ATP2B1: variants seen among roughly 807,000 people sequenced by gnomAD.
The protein encoded by ATP2B1 is ATPase plasma membrane Ca2+ transporting 1, also known as plasma membrane calcium-transporting ATPase 1.
In ATP2B1, 14 loss-of-function variants were observed where a neutral mutation model predicts 124.2. The observed-to-expected ratio is 0.11, with a 90% CI of 0.07 to 0.18. ATP2B1 has a LOEUF of 0.18. Ranked by LOEUF, ATP2B1 falls within the 10% of genes least tolerant of loss-of-function variation. The probability of loss-of-function intolerance (pLI) is 1.00; values close to 1 mark genes in which losing one functional copy is unlikely to be tolerated. For synonymous variants in ATP2B1, 449 were observed against 492.4 expected, an observed-to-expected ratio of 0.91 and a Z score of 1.17; for missense variants, 763 against 1,466.1, an observed-to-expected ratio of 0.52 and a Z score of 7.83.
At position 89,634,791 on chromosome 12, in the gene ATP2B1, G is replaced by A. The variant is rs777087454; in HGVS notation, c.774C>T (p.Pro258=). The A allele has an allele frequency of 6.3e-7, 1 of 1,595,572 alleles. No individual in the cohort carries two copies. The highest frequency in any genetic ancestry group is 1.4e-5 in the African/African-American group (1 of 73,708). ...TGAAATTTTTACCTGATAGAAGTAAGGGATCCTTATCTAAAGACTTTTTAA... is the reference window on the plus strand; with the variant it reads ...TGAAATTTTTACCTGATAGAAGTAAAGGATCCTTATCTAAAGACTTTTTAA... ...DHVKKSLDKD[P]LLLSGTHVME... The change falls in exon 5 of 21, where the codon CCC becomes CCT. Residue 258 remains proline (P), a synonymous_variant. Coordinates refer to ENST00000428670, the MANE Select transcript of ATP2B1 (RefSeq NM_001366521.1).
Position 89,590,962 on chromosome 12 carries a change from T to A in ATP2B1, c.*22A>T, listed in dbSNP as rs191454131. ...ATTTGTTTCTTTACAATGCAGCTAGTGTGTTAACATTCAGCTTACAATCAG... is the reference window on the plus strand; with the variant it reads ...ATTTGTTTCTTTACAATGCAGCTAGAGTGTTAACATTCAGCTTACAATCAG... On this transcript the variant is annotated 3_prime_UTR_variant, in exon 21 of 21. Coordinates refer to ENST00000428670, the MANE Select transcript of ATP2B1 (RefSeq NM_001366521.1). 451 of 1,596,390 alleles carry A rather than the reference T, an allele frequency of 2.8e-4. 4 individuals carry two copies. The highest frequency in any genetic ancestry group is 1.7e-5 in the Non-Finnish European group (20 of 1,167,124).
At chr12:89,665,314 G>A (rs1887176767) in intron 1 of ATP2B1, among the ~76,000 whole-genome samples, 1 of 151,912 alleles carries the variant, frequency 6.6e-6, no homozygotes, top group Non-Finnish European at 1.5e-5. Context: ...CAAAAAATGT[G>A]GAGACTCATA....
chr12:89,595,500 T>G (rs1874407202), intron 20 of ATP2B1, among the ~76,000 whole-genome samples: 1 of 152,066 alleles, frequency 6.6e-6, no homozygotes, highest in Non-Finnish European at 1.5e-5. Flanking sequence ...TCTTCAGAGA[T>G]GTTTGAGTCT....
At chr12:89,670,394 C>A (rs1199205476) in intron 1 of ATP2B1, among the ~76,000 whole-genome samples, 1 of 144,684 alleles carries the variant, frequency 6.9e-6, no homozygotes, top group Non-Finnish European at 1.5e-5. Context: ...TCAATTGTTA[C>A]GCATTCTGAC....
At chr12:89,613,208 T>C (rs1878359456) in intron 12 of ATP2B1, among the ~76,000 whole-genome samples, 1 of 152,146 alleles carries the variant, frequency 6.6e-6, no homozygotes, top group African/African-American at 2.4e-5. Context: ...CTTGAACTCC[T>C]GAGCTCAGGC....
chr12:89,597,178 A>G (rs1047069075), intron 20 of ATP2B1, among the ~76,000 whole-genome samples: 1 of 152,138 alleles, frequency 6.6e-6, no homozygotes, highest in African/African-American at 2.4e-5. Context: ...CTAGGTGGTA[A>G]GGAGCACCAG....
At chr12:89,674,702 C>T (rs1352752148) in intron 1 of ATP2B1, among the ~76,000 whole-genome samples, 1 of 152,074 alleles carries the variant, frequency 6.6e-6, no homozygotes, top group Non-Finnish European at 1.5e-5. Context: ...TGAAGTGAGG[C>T]AGGTTAAGAA....
At chr12:89,591,602 C>A (rs1156655611) in intron 20 of ATP2B1, among the ~76,000 whole-genome samples, 1 of 151,820 alleles carries the variant, frequency 6.6e-6, no homozygotes, top group Admixed American at 6.6e-5. Context: ...ACAAATCAAA[C>A]ACAAAACAAA....
At chr12:89,609,365 C>T (rs183878763) in intron 15 of ATP2B1, among the ~76,000 whole-genome samples, 1 of 152,150 alleles carries the variant, frequency 6.6e-6, no homozygotes, top group African/African-American at 2.4e-5. Context: ...ATTTCAGTTT[C>T]CTGATAGTTC....
At chr12:89,614,854 C>A (rs1287211550) in intron 12 of ATP2B1, among the ~76,000 whole-genome samples, 1 of 152,166 alleles carries the variant, frequency 6.6e-6, no homozygotes, top group East Asian at 1.9e-4. Flanking sequence ...ATCTCCTATG[C>A]CACAACTGTG....
At chr12:89,596,856 A>C (rs1419416885) in intron 20 of ATP2B1, among the ~76,000 whole-genome samples, 1 of 151,910 alleles carries the variant, frequency 6.6e-6, no homozygotes, top group East Asian at 1.9e-4. Context: ...TTAGTTTATT[A>C]CTCTTTCAGT....
chr12:89,654,419 A>G (rs1196805260), intron 2 of ATP2B1, among the ~76,000 whole-genome samples: 1 of 152,206 alleles, frequency 6.6e-6, no homozygotes, highest in Admixed American at 6.5e-5. Flanking sequence ...ATAACTAAGA[A>G]GCTGGTGTTT....
intron 1 of ATP2B1, among the ~76,000 whole-genome samples, chr12:89,690,447 T>C (rs1016445217): frequency 1.3e-5 from 2 of 151,902 alleles, no homozygotes; most frequent in African/African-American, 4.8e-5. Context: ...TCACAAATAC[T>C]GTTGTTTATC....
In ATP2B1 at chr12:89,603,751, A is replaced by T; in HGVS notation, c.2809T>A (p.Phe937Ile). Reference protein sequence around the residue: ...TMMKNILGHAFYQLVVVFTLL... With the variant: ...TMMKNILGHAIYQLVVVFTLL... ...GTAAAGACTACTACAAGTTGATAGA[A>T]TGCATGACCCAAAATATTCTTCATC... Residue 937 changes from phenylalanine to isoleucine, a missense_variant, in exon 17 of 21, where the codon TTC (phenylalanine) becomes ATC (isoleucine). Coordinates refer to ENST00000428670, the MANE Select transcript of ATP2B1 (RefSeq NM_001366521.1). The surrounding 1 kb of genome is among the most constrained non-coding windows in gnomAD (Gnocchi z 4.3). 1 of 1,614,140 alleles carries T rather than the reference A, an allele frequency of 6.2e-7. No individual in the cohort carries two copies. The highest frequency in any genetic ancestry group is 8.5e-7 in the Non-Finnish European group (1 of 1,179,966).
chr12:89,691,518 A>T (rs1018583449), intron 1 of ATP2B1, among the ~76,000 whole-genome samples: 1 of 152,148 alleles, frequency 6.6e-6, no homozygotes, highest in Admixed American at 6.6e-5. Context: ...ACTTTACACA[A>T]AAATCTTCTG....
intron 20 of ATP2B1, chr12:89,598,867 A>G (rs1875223767): frequency 8.0e-7 from 1 of 1,253,412 alleles, no homozygotes; most frequent in Non-Finnish European, 1.1e-6. Context: ...TATAGGCAAG[A>G]ATAGCATTTT....
intron 10 of ATP2B1, 69 bp from the exon 11 acceptor site, chr12:89,620,309 C>A: frequency 6.6e-7 from 1 of 1,521,030 alleles, no homozygotes; most frequent in South Asian, 1.2e-5. Context: ...TAATGTAAAA[C>A]AGACTGCGAT....
At chr12:89,707,010 G>T (rs933445899) in intron 1 of ATP2B1, among the ~76,000 whole-genome samples, 1 of 73,114 alleles carries the variant, frequency 1.4e-5, no homozygotes, top group African/African-American at 3.7e-5. Flanking sequence ...GCTATCAAAG[G>T]TTCCCAATTA....
At chr12:89,598,599 T>C in intron 20 of ATP2B1, 2 of 1,613,528 alleles carry the variant, frequency 1.2e-6, no homozygotes, top group South Asian at 1.1e-5. Flanking sequence ...CACCCCACAG[T>C]AGTAGAAGCA....
Sources: allele counts gnomAD v4.1 joint callset (sites outside exome capture counted in the v4.1 genomes callset), GRCh38; gene constraint gnomAD v4.1.1; non-coding constraint Gnocchi (gnomAD v3.1); transcripts MANE v1.5; gene names NCBI Gene and HGNC (gene_info 2026-07-23, HGNC 2026-07-21).